DENND4C: variants seen among roughly 807,000 people sequenced by gnomAD.
The protein encoded by DENND4C is DENN domain-containing protein 4C.
A neutral mutation model predicts 203.0 loss-of-function variants in DENND4C; 108 were observed. The ratio of observed to expected loss-of-function variants is 0.53; its 90% CI spans 0.46 to 0.62. DENND4C has a LOEUF of 0.62. Ranked by LOEUF, DENND4C falls within the 20% of genes least tolerant of loss-of-function variation. DENND4C has a pLI of 0.00. For missense variants in DENND4C, 2,481 were observed against 2,301.2 expected (o/e 1.08, Z -1.60); for synonymous variants, 871 against 792.4 (o/e 1.10, Z -1.67).
chr9:19,263,227 C>A (rs1326626927), intron 1 of DENND4C, among the ~76,000 whole-genome samples: 1 of 152,176 alleles, frequency 6.6e-6, no homozygotes, highest in Non-Finnish European at 1.5e-5. Flanking sequence ...TGTTGATAGG[C>A]TGTATCACAT....
chr9:19,331,584 A>C (rs1384197968), intron 16 of DENND4C, among the ~76,000 whole-genome samples: 1 of 152,198 alleles, frequency 6.6e-6, no homozygotes. Flanking sequence ...AAATCTTGGC[A>C]GGAGATAGCC....
chr9:19,273,472 A>C (rs1349706775), intron 1 of DENND4C, among the ~76,000 whole-genome samples: 1 of 152,070 alleles, frequency 6.6e-6, no homozygotes, highest in East Asian at 1.9e-4. Flanking sequence ...TGTTTTTCAT[A>C]AGACCCTGTA....
chr9:19,329,768 AT>A (rs1818671231), intron 16 of DENND4C, among the ~76,000 whole-genome samples: 1 of 152,160 alleles, frequency 6.6e-6, no homozygotes, highest in South Asian at 2.1e-4. Flanking sequence ...TGTATTTTAA[AT>A]TTGCATTTCC....
intron 10 of DENND4C, among the ~76,000 whole-genome samples, chr9:19,305,810 G>T (rs540759497): frequency 6.6e-6 from 1 of 152,170 alleles, no homozygotes; most frequent in South Asian, 2.1e-4. Context: ...GAAAAGTAAT[G>T]GTTAAACACT....
intron 9 of DENND4C, among the ~76,000 whole-genome samples, chr9:19,303,851 A>G (rs1472696574): frequency 6.6e-6 from 1 of 152,070 alleles, no homozygotes; most frequent in Admixed American, 6.5e-5. Context: ...GCTAATTATT[A>G]AATTTTTTTT....
chr9:19,259,063 T>C (rs1446810176), intron 1 of DENND4C, among the ~76,000 whole-genome samples: 2 of 152,184 alleles, frequency 1.3e-5, no homozygotes, highest in East Asian at 3.8e-4. Context: ...AAATGGAGTA[T>C]CCATCACTTC....
intron 6 of DENND4C, among the ~76,000 whole-genome samples, chr9:19,297,597 G>A (rs1260638977): frequency 6.6e-6 from 1 of 152,082 alleles, no homozygotes; most frequent in Non-Finnish European, 1.5e-5. Context: ...GCTCCTAAGA[G>A]CTCCAAACTT....
chr9:19,252,867 C>G (rs1040722613), intron 1 of DENND4C, among the ~76,000 whole-genome samples: 2 of 152,070 alleles, frequency 1.3e-5, no homozygotes, highest in African/African-American at 4.8e-5. Context: ...TTCCAAGTAT[C>G]TAGGACCACA....
chr9:19,318,136 T>G (rs966588640), intron 12 of DENND4C, among the ~76,000 whole-genome samples: 1 of 152,108 alleles, frequency 6.6e-6, no homozygotes, highest in Admixed American at 6.5e-5. Context: ...CTGGCCAACA[T>G]GGTGAAACCC....
At chr9:19,311,524 A>G (rs1840740486) in intron 10 of DENND4C, among the ~76,000 whole-genome samples, 1 of 152,200 alleles carries the variant, frequency 6.6e-6, no homozygotes, top group Non-Finnish European at 1.5e-5. Context: ...AGCCAAGTAT[A>G]TCGTCAGTTT....
chr9:19,259,241 G>T (rs77693059), intron 1 of DENND4C, among the ~76,000 whole-genome samples: 7 of 151,118 alleles, frequency 4.6e-5, no homozygotes, highest in African/African-American at 1.7e-4. Flanking sequence ...TTCCGCCCCC[G>T]CCACCTCCCC....
chr9:19,298,051 TC>T lies in DENND4C; in HGVS notation c.1041-4del, dbSNP rs1375287596. Reference sequence around the variant, plus strand: ...ATTATATTTATTTCAAATTTTTTTTTCTAGGCACATTTCACATTTTATGCAA... The same window carrying T: ...ATTATATTTATTTCAAATTTTTTTTTTAGGCACATTTCACATTTTATGCAA... On this transcript the variant is annotated splice_region_variant and splice_polypyrimidine_tract_variant and intron_variant, in intron 6 of 32. Transcript: ENST00000434457. 1.2e-6 allele frequency: 2 copies of T among 1,605,232 alleles called. No individual in the cohort carries two copies. Among genetic ancestry groups the T allele is most frequent in the East Asian group, 4.5e-5 (2 of 44,628 alleles).
chr9:19,364,442 A>G (rs934645682), intron 30 of DENND4C, among the ~76,000 whole-genome samples: 1 of 152,234 alleles, frequency 6.6e-6, no homozygotes, highest in Admixed American at 6.5e-5. Flanking sequence ...AATACAGTAC[A>G]CAGCTAACTG....
At position 19,350,871 on chromosome 9, in the gene DENND4C, A is replaced by C; in HGVS notation, c.4487A>C (p.Tyr1496Ser). The C allele has an allele frequency of 6.2e-7, 1 of 1,612,830 alleles. No homozygotes were observed. Among genetic ancestry groups the C allele is most frequent in the Non-Finnish European group, 8.5e-7 (1 of 1,179,394 alleles). Residue 1496 changes from tyrosine to serine, a missense_variant, in exon 24 of 33, where the codon TAT (tyrosine) becomes TCT (serine). Coordinates refer to ENST00000434457, the MANE Select transcript of DENND4C (RefSeq NM_001330640.2). ...AGTGGAGATGTAGGAAAACTGCATT[A>C]TCCAACAGGTATGGGGAAGGATTAT... Reference protein sequence around the residue: ...SSSGDVGKLHYPTGEVPFPRG... With the variant: ...SSSGDVGKLHSPTGEVPFPRG...
chr9:19,336,744 T>C lies in DENND4C; in HGVS notation c.2793T>C (p.Asp931=). The C allele has an allele frequency of 6.4e-7, 1 of 1,551,044 alleles. No individual in the cohort carries two copies. Among genetic ancestry groups the C allele is most frequent in the Non-Finnish European group, 8.7e-7 (1 of 1,147,054 alleles). The part of the protein sequence containing the change: ...DGDTVSHGSV[D]SSNDANNGEH... ...ACACGGTGAGCCACGGTAGTGTGGA[T>C]AGTTCTAATGATGCTAACAATGGGG... The change falls in exon 20 of 33, where the codon GAT becomes GAC. Residue 931 remains aspartate (D), a synonymous_variant. Transcript: ENST00000434457.
chr9:19,295,879 AT>A (rs368407593), intron 5 of DENND4C, 128 bp from the exon 6 acceptor site: 654 of 646,402 alleles, frequency 1.0e-3, no homozygotes, highest in Non-Finnish European at 1.1e-3. Context: ...TTTGGGTGAG[AT>A]TTTTTTTTTC....
At chr9:19,255,953 C>T (rs1451439746) in intron 1 of DENND4C, among the ~76,000 whole-genome samples, 1 of 152,112 alleles carries the variant, frequency 6.6e-6, no homozygotes, top group African/African-American at 2.4e-5. Flanking sequence ...AGACCACATT[C>T]AGGCTGAGCA....
intron 16 of DENND4C, among the ~76,000 whole-genome samples, chr9:19,329,794 A>G (rs532071401): frequency 6.6e-6 from 1 of 152,356 alleles, no homozygotes; most frequent in African/African-American, 2.4e-5. Flanking sequence ...TGGCTAATGT[A>G]AATATACTTT....
intron 4 of DENND4C, among the ~76,000 whole-genome samples, chr9:19,289,733 G>A (rs1433063538): frequency 6.6e-6 from 1 of 150,692 alleles, no homozygotes; most frequent in Admixed American, 6.7e-5. Flanking sequence ...GGAGGCTGAG[G>A]CACGAGAATC....
Sources: gnomAD v4.1 joint callset for allele counts (sites outside exome capture counted in the v4.1 genomes callset) on GRCh38, gnomAD v4.1.1 for gene constraint, MANE v1.5 for transcripts, NCBI Gene and HGNC (gene_info 2026-07-23, HGNC 2026-07-21) for gene names.